CPPED1: variants seen among roughly 807,000 people sequenced by gnomAD.
CPPED1 encodes the protein calcineurin like phosphoesterase domain containing 1.
Under a neutral mutation model 28.0 loss-of-function variants are expected in CPPED1, and 28 were observed. That is an observed-to-expected ratio of 1.00 (90% confidence interval 0.74 to 1.37). The LOEUF (loss-of-function observed/expected upper bound fraction) is 1.37. Ranked by LOEUF, CPPED1 falls within the 40% of genes most tolerant of loss-of-function variation. The pLI is 0.00. For missense variants in CPPED1, 504 were observed against 416.5 expected (o/e 1.21, Z -1.83); for synonymous variants, 198 against 180.2 (o/e 1.10, Z -0.79).
chr16:12,699,261 C>G (rs1596450939), intron 3 of CPPED1, among the ~76,000 whole-genome samples: 4 of 152,224 alleles, frequency 2.6e-5, no homozygotes, highest in Admixed American at 1.3e-4. Context: ...GGTGCTGCTT[C>G]ACACTGGTAT....
intron 2 of CPPED1, among the ~76,000 whole-genome samples, chr16:12,705,878 G>C (rs2080047534): frequency 6.6e-6 from 1 of 152,168 alleles, no homozygotes; most frequent in Non-Finnish European, 1.5e-5. Context: ...TTAATGGTGT[G>C]GTTCAAATTT....
intron 3 of CPPED1, among the ~76,000 whole-genome samples, chr16:12,691,146 T>G (rs1381736292): frequency 6.6e-6 from 1 of 152,236 alleles, no homozygotes; most frequent in Non-Finnish European, 1.5e-5. Flanking sequence ...TTGCAGCTGG[T>G]TGATGCTGGG....
chr16:12,676,765 A>G (rs908663007), intron 3 of CPPED1, among the ~76,000 whole-genome samples: 1 of 152,174 alleles, frequency 6.6e-6, no homozygotes, highest in Non-Finnish European at 1.5e-5. Flanking sequence ...TAATAATAAT[A>G]ATGATGATAA....
At chr16:12,719,477 G>A (rs920040409) in intron 2 of CPPED1, among the ~76,000 whole-genome samples, 2 of 152,090 alleles carry the variant, frequency 1.3e-5, no homozygotes, top group African/African-American at 4.8e-5. Context: ...GACACGTGGG[G>A]ATTATGCAAA....
At chr16:12,722,101 A>G (rs886461002) in intron 2 of CPPED1, among the ~76,000 whole-genome samples, 1 of 152,206 alleles carries the variant, frequency 6.6e-6, no homozygotes, top group Non-Finnish European at 1.5e-5. Flanking sequence ...AGGCACGGCA[A>G]CTCAAAGGAG....
At chr16:12,787,377 T>C (rs1263415546) in intron 1 of CPPED1, among the ~76,000 whole-genome samples, 1 of 151,088 alleles carries the variant, frequency 6.6e-6, no homozygotes, top group Admixed American at 6.6e-5. Context: ...CTGTTATGAA[T>C]AAGAATATCC....
chr16:12,781,387 C>G lies in CPPED1; in HGVS notation c.87G>C (p.Trp29Cys). 6.2e-7 allele frequency: 1 copy of G among 1,613,756 alleles called. No individual in the cohort carries two copies. The highest frequency in any genetic ancestry group is 1.1e-5 in the South Asian group (1 of 90,988). Reference sequence around the variant, plus strand: ...CCAGGATGAAGTAGAATGGGCCTTTCCATTCGCTTTCCTTTTCTTAAAAAA... The same window carrying G: ...CCAGGATGAAGTAGAATGGGCCTTTGCATTCGCTTTCCTTTTCTTAAAAAA... ...AAFPAEKESE[W>C]KGPFYFILGA... Residue 29 changes from tryptophan to cysteine, a missense_variant, in exon 2 of 4, where the codon TGG (tryptophan) becomes TGC (cysteine). Physicochemically the swap from Trp to Cys is radical, Grantham distance 215 (BLOSUM62 -2). Transcript: ENST00000381774.
intron 2 of CPPED1, among the ~76,000 whole-genome samples, chr16:12,714,691 C>A (rs1419952741): frequency 1.3e-5 from 2 of 152,138 alleles, no homozygotes; most frequent in South Asian, 4.1e-4. Flanking sequence ...ATTATGAATA[C>A]CAGATCTTTA....
At chr16:12,736,756 G>A (rs1268770697) in intron 2 of CPPED1, among the ~76,000 whole-genome samples, 1 of 152,216 alleles carries the variant, frequency 6.6e-6, no homozygotes, top group Non-Finnish European at 1.5e-5. Context: ...TGCCTTCATG[G>A]AGCTTATGTT....
intron 2 of CPPED1, among the ~76,000 whole-genome samples, chr16:12,779,405 G>A (rs1307424263): frequency 1.4e-5 from 2 of 146,160 alleles, no homozygotes; most frequent in Non-Finnish European, 3.0e-5. Flanking sequence ...TTTCTTTTTT[G>A]AGACTAAGCT....
At chr16:12,799,243 GT>G (rs200948126) in intron 1 of CPPED1, among the ~76,000 whole-genome samples, 108 of 135,252 alleles carry the variant, frequency 8.0e-4, no homozygotes, top group Middle Eastern at 3.9e-3. Flanking sequence ...GGAAAAGTCA[GT>G]TTTTTTTTTT....
At chr16:12,699,796 G>A (rs2080010863) in intron 3 of CPPED1, among the ~76,000 whole-genome samples, 1 of 152,116 alleles carries the variant, frequency 6.6e-6, no homozygotes, top group Non-Finnish European at 1.5e-5. Context: ...ATATTGCCAT[G>A]GGGGGAAGAA....
intron 2 of CPPED1, among the ~76,000 whole-genome samples, chr16:12,762,220 A>G (rs2080413955): frequency 6.6e-6 from 1 of 152,098 alleles, no homozygotes; most frequent in Admixed American, 6.6e-5. Context: ...CATTAAAAAT[A>G]CTCTCTCATT....
chr16:12,792,918 G>A (rs924353656), intron 1 of CPPED1, among the ~76,000 whole-genome samples: 2 of 152,038 alleles, frequency 1.3e-5, no homozygotes, highest in Non-Finnish European at 2.9e-5. Flanking sequence ...AGCAGCATGA[G>A]AACGGATTAG....
intron 2 of CPPED1, among the ~76,000 whole-genome samples, chr16:12,708,551 G>A (rs562157151): frequency 3.3e-5 from 5 of 152,162 alleles, no homozygotes; most frequent in South Asian, 4.1e-4. Context: ...CCAGTAAATC[G>A]TTTCAGAAGG....
At chr16:12,666,335 G>T (rs1386992438) in intron 3 of CPPED1, among the ~76,000 whole-genome samples, 2 of 152,086 alleles carry the variant, frequency 1.3e-5, no homozygotes, top group African/African-American at 4.8e-5. Context: ...AATGTCACCG[G>T]GAGTTCAGCT....
At position 12,704,898 on chromosome 16, in the gene CPPED1, TC is replaced by T. The variant is rs781461264; in HGVS notation, c.440del (p.Gly147GlufsTer31). On this transcript the variant is annotated frameshift_variant, in exon 3 of 4. Coordinates refer to ENST00000381774, the MANE Select transcript of CPPED1 (RefSeq NM_018340.3). LOFTEE classifies it high-confidence loss of function. ...CGACCCAGAAGCTGAAGTAGTCATC[TC>T]CCCAAGTCCGGCAGAACTCCTCGAC... is the stretch of plus-strand genomic sequence containing the variant. ...ETVEEFCRTW[G>X]DDYFSFWVGG... The T allele has an allele frequency of 6.2e-7, 1 of 1,614,090 alleles. No homozygotes were observed. The highest frequency in any genetic ancestry group is 8.5e-7 in the Non-Finnish European group (1 of 1,179,998).
intron 3 of CPPED1, among the ~76,000 whole-genome samples, chr16:12,692,549 A>T (rs1268483084): frequency 2.6e-5 from 4 of 152,178 alleles, no homozygotes; most frequent in African/African-American, 9.7e-5. Context: ...CCTGCTTCAT[A>T]GCTTTGTGAT....
At chr16:12,751,512 T>A (rs927633011) in intron 2 of CPPED1, among the ~76,000 whole-genome samples, 2 of 152,200 alleles carry the variant, frequency 1.3e-5, no homozygotes, top group Non-Finnish European at 2.9e-5. Context: ...AGAATACAGA[T>A]GTGATGGCTG....
Sources: allele counts gnomAD v4.1 joint callset (sites outside exome capture counted in the v4.1 genomes callset), GRCh38; gene constraint gnomAD v4.1.1; transcripts MANE v1.5; gene names NCBI Gene and HGNC (gene_info 2026-07-23, HGNC 2026-07-21).